RAD51C: variants seen among roughly 807,000 people sequenced by gnomAD.
RAD51C encodes RAD51 paralog C, also known as DNA repair protein RAD51 homolog 3.
In RAD51C, 42 loss-of-function variants were observed where a neutral mutation model predicts 45.0. The ratio of observed to expected loss-of-function variants is 0.93; its 90% CI spans 0.73 to 1.21. The LOEUF is 1.21. Among genes scored for constraint, RAD51C ranks in the 50% most tolerant of loss-of-function variants. The pLI, the probability that RAD51C is intolerant of heterozygous loss-of-function variation, is 0.00. For synonymous variants in RAD51C, 172 were observed against 159.8 expected (o/e 1.08, Z -0.58); for missense variants, 474 against 452.2 (o/e 1.05, Z -0.44).
At chr17:58,716,960 C>CA (rs1567805211) in intron 5 of RAD51C, among the ~76,000 whole-genome samples, 7 of 151,948 alleles carry the variant, frequency 4.6e-5, no homozygotes, top group African/African-American at 1.7e-4. Flanking sequence ...ACCACCACGC[C>CA]CGGCTAATTT....
chr17:58,708,188 G>A (rs1001179555), intron 4 of RAD51C, among the ~76,000 whole-genome samples: 36 of 152,056 alleles, frequency 2.4e-4, no homozygotes, highest in Admixed American at 2.2e-3. Context: ...GTAAACAAGT[G>A]TCCTTTTCAC....
chr17:58,696,401 C>G (rs1198185659), intron 2 of RAD51C, among the ~76,000 whole-genome samples: 2 of 152,188 alleles, frequency 1.3e-5, no homozygotes, highest in African/African-American at 4.8e-5. Flanking sequence ...TCACTGCACT[C>G]CAGCCTGGGC....
intron 6 of RAD51C, among the ~76,000 whole-genome samples, chr17:58,721,936 G>GT (rs2048931474): frequency 6.6e-6 from 1 of 152,088 alleles, no homozygotes; most frequent in South Asian, 2.1e-4. Flanking sequence ...GGAAGGGAGT[G>GT]TAATAGTCTG....
At chr17:58,705,070 G>T (rs112239388) in intron 4 of RAD51C, among the ~76,000 whole-genome samples, 1 of 151,452 alleles carries the variant, frequency 6.6e-6, no homozygotes, top group East Asian at 2.0e-4. Context: ...AGCAGAGGTT[G>T]CAGTGTGCTG....
At chr17:58,733,042 G>T (rs980327377) in intron 8 of RAD51C, among the ~76,000 whole-genome samples, 1 of 151,828 alleles carries the variant, frequency 6.6e-6, no homozygotes, top group Non-Finnish European at 1.5e-5. Context: ...TTTTGAGATG[G>T]AGTCTCTGCG....
intron 3 of RAD51C, among the ~76,000 whole-genome samples, chr17:58,699,205 ACCATGCTGG>A (rs1384178392): frequency 4.0e-5 from 6 of 151,674 alleles, no homozygotes; most frequent in Non-Finnish European, 8.8e-5. Context: ...ATGGAGTTTC[ACCATGCTGG>A]CCAGGCTGGT....
At position 58,734,209 on chromosome 17, in the gene RAD51C, A is replaced by C. The variant is rs758223998; in HGVS notation, c.1118A>C (p.Glu373Ala). 6.2e-6 allele frequency: 10 copies of C among 1,611,884 alleles called. No homozygotes were observed. The South Asian group carries it at 1.1e-4, about 18-fold the overall frequency. The change falls in exon 9 of 9, where the codon GAG (glutamate) becomes GCG (alanine). Residue 373 changes from glutamate to alanine, a missense_variant. Glu to Ala is a moderately radical substitution (Grantham distance 107, BLOSUM62 -1). Transcript: ENST00000337432. ...LSTRKRSRDPEEEL is the reference protein window; with the variant it reads ...LSTRKRSRDPAEEL ...ACCCGGAAACGGTCACGAGACCCAG[A>C]GGAAGAATTATAACCCAGAAACAAA...
At chr17:58,695,593 C>T (rs1415148278) in intron 2 of RAD51C, among the ~76,000 whole-genome samples, 1 of 151,812 alleles carries the variant, frequency 6.6e-6, no homozygotes, top group African/African-American at 2.4e-5. Flanking sequence ...TGAGGCCTGC[C>T]TGGGCAACAT....
rs766221834 is a variant in RAD51C, at chr17:58,695,181, A to C, written c.396A>C (p.Thr132=). The change falls in exon 2 of 9, where the codon ACA becomes ACC. Residue 132 remains threonine, a synonymous_variant. Transcript: ENST00000337432. ...GTGGTGCACCAGGTGTTGGAAAAACACAATTATGGTAAAATAAAGTGTTCT... is the reference window on the plus strand; with the variant it reads ...GTGGTGCACCAGGTGTTGGAAAAACCCAATTATGGTAAAATAAAGTGTTCT... ...EICGAPGVGK[T]QLCMQLAVDV... 6 of 1,611,070 alleles carry C rather than the reference A, an allele frequency of 3.7e-6. No homozygotes were observed. The Admixed American group carries it at 6.7e-5, about 18-fold the overall frequency.
intron 7 of RAD51C, among the ~76,000 whole-genome samples, chr17:58,728,786 A>G (rs1264452754): frequency 6.6e-6 from 1 of 152,172 alleles, no homozygotes; most frequent in Non-Finnish European, 1.5e-5. Context: ...CTTCACCAGT[A>G]ACACCTGATT....
chr17:58,726,054 T>G (rs1933471755), intron 7 of RAD51C, among the ~76,000 whole-genome samples: 2 of 151,180 alleles, frequency 1.3e-5, no homozygotes, highest in African/African-American at 4.9e-5. Flanking sequence ...TGAATATAGA[T>G]AGATTGGGGG....
chr17:58,708,881 GT>G (rs991832257), intron 4 of RAD51C, among the ~76,000 whole-genome samples: 4 of 150,178 alleles, frequency 2.7e-5, no homozygotes, highest in African/African-American at 9.8e-5. Context: ...AGGTTTTTTT[GT>G]TTTTTGTTTT....
chr17:58,696,411 C>T lies in RAD51C; in HGVS notation c.405-282C>T, dbSNP rs139593589. ...TCACGTCACTGCACTCCAGCCTGGGCGACAGAGCGAGACTCCGTCTCAAAA... is the reference window on the plus strand; with the variant it reads ...TCACGTCACTGCACTCCAGCCTGGGTGACAGAGCGAGACTCCGTCTCAAAA... On this transcript the variant is annotated intron_variant, in intron 2 of 8. Transcript: ENST00000337432. Among the ~76,000 whole-genome samples, 1,329 of 152,114 alleles carry T rather than the reference C, an allele frequency of 8.7e-3. 20 individuals are homozygous for T. The highest frequency in any genetic ancestry group is 0.03 in the African/African-American group (1,236 of 41,500).
intron 5 of RAD51C, among the ~76,000 whole-genome samples, chr17:58,718,619 G>C (rs543756159): frequency 6.6e-6 from 1 of 152,234 alleles, no homozygotes; most frequent in African/African-American, 2.4e-5. Context: ...ATGAAACCTT[G>C]AGGGCCATCT....
chr17:58,715,697 A>G (rs958122173), intron 5 of RAD51C, among the ~76,000 whole-genome samples: 7 of 152,130 alleles, frequency 4.6e-5, no homozygotes, highest in Non-Finnish European at 8.8e-5. Flanking sequence ...CTAATTTTGC[A>G]TTTTATGGAT....
At position 58,734,217 on chromosome 17, in the gene RAD51C, T is replaced by C. The variant is rs864622632; in HGVS notation, c.1126T>C (p.Leu376=). Residue 376 remains leucine, a synonymous_variant, in exon 9 of 9, where the codon TTA becomes CTA. Transcript: ENST00000337432. The stretch of plus-strand genomic sequence containing the variant: ...ACGGTCACGAGACCCAGAGGAAGAA[T>C]TATAACCCAGAAACAAATCTCAAAG... ...RKRSRDPEEE[L] 6.2e-7 allele frequency: 1 copy of C among 1,611,034 alleles called. No homozygotes were observed. The highest frequency in any genetic ancestry group is 8.5e-7 in the Non-Finnish European group (1 of 1,178,176).
chr17:58,696,972 C>A, intron 3 of RAD51C, 113 bp downstream of exon 3: 1 of 1,239,854 alleles, frequency 8.1e-7, no homozygotes, highest in Non-Finnish European at 1.2e-6. Flanking sequence ...AATTACTGGA[C>A]AGTTAACTAG....
chr17:58,701,988 G>A (rs541633340), intron 3 of RAD51C, among the ~76,000 whole-genome samples: 5 of 145,438 alleles, frequency 3.4e-5, no homozygotes, highest in African/African-American at 1.3e-4. Flanking sequence ...TTCTAACTGT[G>A]TTTTATTTTT....
chr17:58,725,239 A>AT (rs2049075936), intron 7 of RAD51C, among the ~76,000 whole-genome samples: 1 of 152,036 alleles, frequency 6.6e-6, no homozygotes, highest in Non-Finnish European at 1.5e-5. Flanking sequence ...TATGATCACA[A>AT]TTTAAGGTAG....
Sources: allele counts gnomAD v4.1 joint callset (sites outside exome capture counted in the v4.1 genomes callset), GRCh38; gene constraint gnomAD v4.1.1; transcripts MANE v1.5; gene names NCBI Gene and HGNC (gene_info 2026-07-23, HGNC 2026-07-21).